SGCZ: variants seen among roughly 807,000 people sequenced by gnomAD.
The protein encoded by SGCZ is zeta-sarcoglycan.
Under a neutral mutation model 41.3 loss-of-function variants are expected in SGCZ, and 40 were observed. The observed-to-expected ratio is 0.97, with a 90% CI of 0.75 to 1.26. The LOEUF (loss-of-function observed/expected upper bound fraction) is 1.26. Among genes scored for constraint, SGCZ ranks in the 50% most tolerant of loss-of-function variants. The probability of loss-of-function intolerance (pLI) is 0.00; values close to 1 mark genes in which losing one functional copy is unlikely to be tolerated. For synonymous variants in SGCZ, 206 were observed against 137.5 expected (o/e 1.50, Z -3.49); for missense variants, 552 against 369.8 (o/e 1.49, Z -4.04).
At chr8:15,030,713 TA>T (rs985219169) in intron 1 of SGCZ, among the ~76,000 whole-genome samples, 1 of 152,140 alleles carries the variant, frequency 6.6e-6, no homozygotes, top group Non-Finnish European at 1.5e-5. Context: ...ATGATATGGT[TA>T]GGGGGATAAC....
intron 4 of SGCZ, among the ~76,000 whole-genome samples, chr8:14,172,593 A>G (rs910350444): frequency 2.0e-5 from 3 of 152,086 alleles, no homozygotes; most frequent in Admixed American, 2.0e-4. Flanking sequence ...ATTGTCTTTC[A>G]GATATTAGAC....
At chr8:15,122,639 A>G (rs1041587605) in intron 1 of SGCZ, among the ~76,000 whole-genome samples, 2 of 152,180 alleles carry the variant, frequency 1.3e-5, no homozygotes, top group East Asian at 1.9e-4. Context: ...GCCCCTCTCC[A>G]TGTTAGATGC....
In SGCZ at chr8:14,895,340, G is replaced by C. The variant is rs1188876247; in HGVS notation, c.40-340414C>G. 2.6e-5 allele frequency among the ~76,000 whole-genome samples: 4 copies of C among 151,838 alleles called. No individual in the cohort carries two copies. In the South Asian group the frequency reaches 8.3e-4, roughly 32 times the overall value. ...CCAAAATTGAATAGCTGTGAAGATCGAATGAGTTAAATAATTAAAGTAACC... is the reference window on the plus strand; with the variant it reads ...CCAAAATTGAATAGCTGTGAAGATCCAATGAGTTAAATAATTAAAGTAACC... On this transcript the variant is annotated intron_variant, in intron 1 of 7. Transcript: ENST00000382080.
chr8:14,523,457 T>C (rs528650731), intron 2 of SGCZ, among the ~76,000 whole-genome samples: 3 of 152,202 alleles, frequency 2.0e-5, no homozygotes, highest in South Asian at 2.1e-4. Flanking sequence ...AAGTTTTTCT[T>C]CTTTATTCCT....
chr8:14,798,761 C>A (rs1484608906), intron 1 of SGCZ, among the ~76,000 whole-genome samples: 2 of 152,068 alleles, frequency 1.3e-5, no homozygotes, highest in African/African-American at 4.8e-5. Context: ...TTTAAGACAG[C>A]ATGTACCTAA....
At chr8:15,206,452 CT>C (rs3069943) in intron 1 of SGCZ, among the ~76,000 whole-genome samples, 33 of 144,386 alleles carry the variant, frequency 2.3e-4, no homozygotes, top group South Asian at 4.4e-4. Context: ...TCTGGGGAGT[CT>C]TTTTTTTTTT....
intron 1 of SGCZ, among the ~76,000 whole-genome samples, chr8:14,607,179 T>C (rs12675129): frequency 0.13 from 19,122 of 152,132 alleles, 1,543 homozygotes; most frequent in South Asian, 0.2. Context: ...ACCATAAATT[T>C]ATACATACAT....
chr8:14,556,813 A>G (rs1327487356), intron 1 of SGCZ, among the ~76,000 whole-genome samples: 2 of 152,012 alleles, frequency 1.3e-5, no homozygotes, highest in Admixed American at 6.6e-5. Flanking sequence ...CACTGTACAT[A>G]TATATACCAC....
chr8:14,161,441 T>C (rs1804043214), intron 5 of SGCZ: 2 of 152,176 alleles, frequency 1.3e-5, no homozygotes, highest in Admixed American at 6.5e-5. Context: ...AAATGGGCTC[T>C]TCTAAGAGAC....
At chr8:14,907,413 C>A (rs1799153410) in intron 1 of SGCZ, among the ~76,000 whole-genome samples, 1 of 152,070 alleles carries the variant, frequency 6.6e-6, no homozygotes, top group African/African-American at 2.4e-5. Context: ...GTCTCCAACT[C>A]CTGGGCTCAA....
chr8:14,379,369 C>T (rs1201570757), intron 2 of SGCZ, among the ~76,000 whole-genome samples: 1 of 152,048 alleles, frequency 6.6e-6, no homozygotes, highest in Non-Finnish European at 1.5e-5. Context: ...ATAGAGAAAA[C>T]CCCATTTACA....
chr8:14,940,912 C>A (rs61071537), intron 1 of SGCZ, among the ~76,000 whole-genome samples: 3 of 151,652 alleles, frequency 2.0e-5, no homozygotes, highest in African/African-American at 7.3e-5. Context: ...CAGATTAATA[C>A]GAAAATGGCA....
chr8:14,654,031 T>C (rs954536462), intron 1 of SGCZ, among the ~76,000 whole-genome samples: 1 of 152,092 alleles, frequency 6.6e-6, no homozygotes, highest in Non-Finnish European at 1.5e-5. Context: ...GGACAATGCA[T>C]GATGGAGCAT....
intron 1 of SGCZ, among the ~76,000 whole-genome samples, chr8:14,948,023 T>C (rs1335069493): frequency 1.3e-5 from 2 of 152,214 alleles, no homozygotes; most frequent in Non-Finnish European, 1.5e-5. Flanking sequence ...GCAAGCCTTC[T>C]GAAACTTCTT....
intron 4 of SGCZ, among the ~76,000 whole-genome samples, chr8:14,231,823 C>T (rs966471686): frequency 1.3e-5 from 2 of 152,016 alleles, no homozygotes; most frequent in African/African-American, 2.4e-5. Context: ...AGATCATATG[C>T]GTTCTTTTAA....
chr8:15,015,726 CGTGTGTGTGTGTGTGTGTGTGT>C (rs60624490), intron 1 of SGCZ, among the ~76,000 whole-genome samples: 3 of 125,146 alleles, frequency 2.4e-5, no homozygotes, highest in Non-Finnish European at 3.3e-5. Flanking sequence ...GAAATATACA[CGTGTGTGTGTGTGTGTGTGTGT>C]GTGTGTGTGT....
intron 1 of SGCZ, among the ~76,000 whole-genome samples, chr8:15,164,402 T>C (rs554477853): frequency 3.3e-5 from 5 of 152,094 alleles, no homozygotes; most frequent in Admixed American, 2.6e-4. Context: ...CACTCCGCAC[T>C]CCATGACAGG....
At chr8:14,502,618 A>C (rs544210596) in intron 2 of SGCZ, among the ~76,000 whole-genome samples, 22 of 151,478 alleles carry the variant, frequency 1.5e-4, no homozygotes, top group African/African-American at 5.1e-4. Flanking sequence ...AAGAAAAAAA[A>C]CAACCCCATT....
rs141066650 is a variant in SGCZ at position 15,234,531 on chromosome 8, T to C, written c.39+3054A>G. 5.9e-3 allele frequency among the ~76,000 whole-genome samples: 906 copies of C among 152,270 alleles called. 10 individuals carry two copies. The highest frequency in any genetic ancestry group is 0.021 in the African/African-American group (868 of 41,568). ...TTTCATCAGGAGTTTGTGGGCAGAATAGAAGATGAAACATACTTACCTTCA... is the reference window on the plus strand; with the variant it reads ...TTTCATCAGGAGTTTGTGGGCAGAACAGAAGATGAAACATACTTACCTTCA... On this transcript the variant is annotated intron_variant, in intron 1 of 7. Transcript: ENST00000382080.
Sources: gnomAD v4.1 joint callset for allele counts (sites outside exome capture counted in the v4.1 genomes callset) on GRCh38, gnomAD v4.1.1 for gene constraint, MANE v1.5 for transcripts, NCBI Gene and HGNC (gene_info 2026-07-23, HGNC 2026-07-21) for gene names.